The following VEGFA variants were observed in gnomAD, a reference collection of about 807,000 sequenced individuals.
VEGFA encodes the protein vascular endothelial growth factor A, long form.
In VEGFA, 20 loss-of-function variants were observed where a neutral mutation model predicts 49.7. The ratio of observed to expected loss-of-function variants is 0.40; its 90% CI spans 0.28 to 0.58. VEGFA has a LOEUF of 0.58. Ranked by LOEUF, VEGFA falls within the 20% of genes least tolerant of loss-of-function variation. VEGFA has a pLI of 0.40. For missense variants in VEGFA, 505 were observed against 553.5 expected (o/e 0.91, Z 0.88); for synonymous variants, 219 against 223.4 (o/e 0.98, Z 0.18).
Position 43,777,556 on chromosome 6 carries a change from T to C in VEGFA, c.746T>C (p.Ile249Thr), listed in dbSNP as rs1765841563. 3.1e-6 allele frequency: 5 copies of C among 1,613,956 alleles called. No homozygotes were observed. In the South Asian group the frequency reaches 4.4e-5, roughly 14 times the overall value. ...ATCTTCCAGGAGTACCCTGATGAGA[T>C]CGAGTACATCTTCAAGCCATCCTGT... The change falls in exon 3 of 8, where the codon ATC (isoleucine) becomes ACC (threonine). Residue 249 changes from isoleucine (I) to threonine (T), a missense_variant. Physicochemically the swap from Ile to Thr is moderately conservative, Grantham distance 89. This residue lies in a region of VEGFA where 165 missense variants were observed against 231.7 expected (regional missense o/e 0.71). Transcript: ENST00000672860. The surrounding 1 kb of genome is among the most constrained non-coding windows in gnomAD (Gnocchi z 4.3).
intron 1 of VEGFA, among the ~76,000 whole-genome samples, chr6:43,771,597 G>T (rs1465687673): frequency 6.6e-6 from 1 of 152,194 alleles, no homozygotes; most frequent in Admixed American, 6.5e-5. Flanking sequence ...AGCCGGAGGA[G>T]GAGGCCGAGG....
intron 7 of VEGFA, chr6:43,782,508 G>T (rs1022720192): frequency 3.3e-6 from 1 of 299,308 alleles, no homozygotes; most frequent in South Asian, 3.1e-5. Context: ...AGATGCTCTC[G>T]CTGGGGCCTT....
intron 6 of VEGFA, chr6:43,781,745 C>T (rs894108643): frequency 1.0e-4 from 59 of 587,430 alleles, no homozygotes; most frequent in Non-Finnish European, 1.6e-4. Flanking sequence ...GTGCCCGCCT[C>T]TTCCTGCGGC....
At chr6:43,784,486 C>G (rs963967208) in intron 7 of VEGFA, 55 bp from the exon 8 acceptor site, 2 of 1,581,834 alleles carry the variant, frequency 1.3e-6, no homozygotes, top group South Asian at 2.2e-5. Context: ...CCTGCCTCAT[C>G]GCCAGGCCTC....
chr6:43,774,375 G>A lies in VEGFA; in HGVS notation c.641G>A (p.Gly214Glu), dbSNP rs201261787. 1.9e-6 allele frequency: 3 copies of A among 1,614,226 alleles called. No individual in the cohort carries two copies. The African/African-American group carries it at 4.0e-5, about 22-fold the overall frequency. The stretch of plus-strand genomic sequence containing the variant: ...GCTGCACCCATGGCAGAAGGAGGAG[G>A]GCAGAATCATCACGAAGGTGAGTCC... Residue 214 changes from glycine to glutamate, a missense_variant, in exon 2 of 8, where the codon GGG becomes GAG. Gly to Glu is a moderately conservative substitution (Grantham distance 98). Around this residue, in one of 2 missense-constraint regions of VEGFA, gnomAD observed 340 missense variants for 321.8 expected, o/e 1.06. Coordinates refer to ENST00000672860, the MANE Select transcript of VEGFA (RefSeq NM_003376.6).
chr6:43,771,135 G>A lies in VEGFA; in HGVS notation c.429G>A (p.Ser143=). The A allele has an allele frequency of 6.6e-7, 1 of 1,504,700 alleles. No homozygotes were observed. The highest frequency in any genetic ancestry group is 8.8e-7 in the Non-Finnish European group (1 of 1,131,582). 93.2% of individuals were successfully genotyped at this position (1,504,700 alleles called of 1,614,324 possible). A position where few individuals can be genotyped will look rare whatever the true frequency, so the allele number is the denominator to read the frequency against. The stretch of plus-strand genomic sequence containing the variant: ...CTCCCCAGGCCCTGGCCCGGGCCTC[G>A]GGCCGGGGAGGAAGAGTAGCTCGCC... Residue 143 remains serine (S), a synonymous_variant, in exon 1 of 8, where the codon TCG becomes TCA. Transcript: ENST00000672860.
chr6:43,780,693 C>A (rs751369269), intron 5 of VEGFA, 39 bp from the exon 6 acceptor site: 2 of 1,605,760 alleles, frequency 1.2e-6, no homozygotes, highest in Admixed American at 1.7e-5. Context: ...CCCCCCACCG[C>A]CCCCGCTCTC....
At position 43,784,897 on chromosome 6, in the gene VEGFA, C is replaced by T. The variant is rs1582545825; in HGVS notation, c.*335C>T. On this transcript the variant is annotated 3_prime_UTR_variant, in exon 8 of 8. Transcript: ENST00000672860. Reference sequence around the variant, plus strand: ...GTTTTATTTCTGGGATTCCTGTAGACACACCCACCCACATACATACATTTA... The same window carrying T: ...GTTTTATTTCTGGGATTCCTGTAGATACACCCACCCACATACATACATTTA... 2.2e-6 allele frequency: 1 copy of T among 463,438 alleles called. No individual in the cohort carries two copies. The highest frequency in any genetic ancestry group is 3.9e-6 in the Non-Finnish European group (1 of 255,958). The allele number at this position is 463,438 out of a possible 1,614,324, so 28.7% of individuals were successfully genotyped here.
rs1397540834 is a variant in VEGFA, at chr6:43,773,647, G to A, written c.607-694G>A. On this transcript the variant is annotated intron_variant, in intron 1 of 7. Coordinates refer to ENST00000672860, the MANE Select transcript of VEGFA (RefSeq NM_003376.6). The surrounding 1 kb of genome is among the most constrained non-coding windows in gnomAD (Gnocchi z 5.6). ...AAGAAACCAGGGAACAGGTAGGAGT[G>A]GGAGACAGGTGAGGCTTTGGAAATC... The A allele has an allele frequency of 6.5e-6, 1 of 153,232 alleles. No homozygotes were observed. The highest frequency in any genetic ancestry group is 1.5e-5 in the Non-Finnish European group (1 of 68,772). The allele number at this position is 153,232 out of a possible 1,614,324, so 9.5% of individuals were successfully genotyped here.
intron 6 of VEGFA, chr6:43,781,219 G>C (rs1189805318): frequency 5.2e-6 from 2 of 387,614 alleles, no homozygotes; most frequent in African/African-American, 4.1e-5. Context: ...GCCCAAGAAG[G>C]GCTGTGAATG....
At position 43,785,867 on chromosome 6, in the gene VEGFA, CT is replaced by C. The variant is rs1769368323; in HGVS notation, c.*1307del. The C allele has an allele frequency of 5.4e-6, 1 of 185,382 alleles. No individual in the cohort carries two copies. Among genetic ancestry groups the C allele is most frequent in the East Asian group, 9.4e-5 (1 of 10,638 alleles). 11.5% of individuals were successfully genotyped at this position (185,382 alleles called of 1,614,324 possible). ...AAGAGTAGGGTTTTTTTTCAGTATT[CT>C]TGGTTAATATTTAATTTCAACTATT... On this transcript the variant is annotated 3_prime_UTR_variant, in exon 8 of 8. Coordinates refer to ENST00000672860, the MANE Select transcript of VEGFA (RefSeq NM_003376.6).
Position 43,778,505 on chromosome 6 carries a change from A to G in VEGFA, c.901A>G (p.Ser301Gly). ...CCAAGGCCAGCACATAGGAGAGATG[A>G]GCTTCCTACAGCACAACAAATGTGA... Residue 301 changes from serine (S) to glycine (G), a missense_variant, in exon 4 of 8, where the codon AGC (serine) becomes GGC (glycine). By Grantham distance (56) the Ser-to-Gly change is moderately conservative (BLOSUM62 0). Transcript: ENST00000672860. 1 of 1,614,174 alleles carries G rather than the reference A, an allele frequency of 6.2e-7. No individual in the cohort carries two copies. The highest frequency in any genetic ancestry group is 8.5e-7 in the Non-Finnish European group (1 of 1,180,006).
chr6:43,780,534 G>C (rs116722007), intron 5 of VEGFA, 198 bp from the exon 6 acceptor site: 1 of 682,590 alleles, frequency 1.5e-6, no homozygotes, highest in African/African-American at 1.8e-5. Flanking sequence ...AAGAGCCATC[G>C]AGTGCTTGCT....
chr6:43,770,493 A>T lies in VEGFA; in HGVS notation c.-214A>T. 1 of 1,143,714 alleles carries T rather than the reference A, an allele frequency of 8.7e-7. No homozygotes were observed. Among genetic ancestry groups the T allele is most frequent in the Non-Finnish European group, 1.1e-6 (1 of 891,854 alleles). 70.8% of individuals were successfully genotyped at this position (1,143,714 alleles called of 1,614,324 possible). ...TTGGGGAGATTGCTCTACTTCCCCA[A>T]ATCACTGTGGATTTTGGAAACCAGC... On this transcript the variant is annotated 5_prime_UTR_variant, in exon 1 of 8. Coordinates refer to ENST00000672860, the MANE Select transcript of VEGFA (RefSeq NM_003376.6).
intron 6 of VEGFA, 84 bp from the exon 7 acceptor site, chr6:43,781,872 G>T: frequency 6.4e-7 from 1 of 1,572,770 alleles, no homozygotes. Context: ...CTGCGGACAT[G>T]TTAGGGGGTG....
chr6:43,770,574 G>A lies in VEGFA; in HGVS notation c.-133G>A, dbSNP rs1055033933. 2.2e-6 allele frequency: 3 copies of A among 1,359,934 alleles called. No individual in the cohort carries two copies. Among genetic ancestry groups the A allele is most frequent in the South Asian group, 3.6e-5 (2 of 55,460 alleles). 84.2% of individuals were successfully genotyped at this position (1,359,934 alleles called of 1,614,324 possible). ...GAGAGAAGTCGAGGAAGAGAGAGAC[G>A]GGGTCAGAGAGAGCGCGCGGGCGTG... On this transcript the variant is annotated 5_prime_UTR_variant, in exon 1 of 8. Transcript: ENST00000672860.
At chr6:43,782,775 T>TA (rs1768303429) in intron 7 of VEGFA, 1 of 157,756 alleles carries the variant, frequency 6.3e-6, no homozygotes, top group Non-Finnish European at 1.4e-5. Context: ...ACTGGGGCTC[T>TA]GAGGGCAAGG....
intron 5 of VEGFA, chr6:43,779,927 A>G: frequency 3.1e-6 from 1 of 324,558 alleles, no homozygotes. Flanking sequence ...CTGCTCTGCC[A>G]TGGGGAGAGT....
rs1468046353 is a variant in VEGFA, at chr6:43,780,870, G to A, written c.1034+67G>A. The A allele has an allele frequency of 3.7e-6, 6 of 1,610,952 alleles. No individual in the cohort carries two copies. The Admixed American group carries it at 5.0e-5, about 13-fold the overall frequency. On this transcript the variant is annotated intron_variant, in intron 6 of 7. Coordinates refer to ENST00000672860, the MANE Select transcript of VEGFA (RefSeq NM_003376.6). Reference sequence around the variant, plus strand: ...CTGGCCCCCAGTACAACCTCCGCCTGCCATTCCCTGTAACCCTGCCTCCCT... The same window carrying A: ...CTGGCCCCCAGTACAACCTCCGCCTACCATTCCCTGTAACCCTGCCTCCCT...
Sources: allele counts gnomAD v4.1 joint callset (sites outside exome capture counted in the v4.1 genomes callset), GRCh38; gene constraint gnomAD v4.1.1; regional missense constraint gnomAD v4.1.1; non-coding constraint Gnocchi (gnomAD v3.1); transcripts MANE v1.5; gene names NCBI Gene and HGNC (gene_info 2026-07-23, HGNC 2026-07-21).